VPS13B: variants seen among roughly 807,000 people sequenced by gnomAD.
The protein encoded by VPS13B is vacuolar protein sorting 13 homolog B.
In VPS13B, 285 loss-of-function variants were observed where a neutral mutation model predicts 426.4. The ratio of observed to expected loss-of-function variants is 0.67; its 90% confidence interval spans 0.61 to 0.74. The LOEUF is 0.74. VPS13B is among the 30% of genes least tolerant of loss of function. The pLI is 0.00. For missense variants in VPS13B, 4,537 were observed against 4,782.6 expected, an observed-to-expected ratio of 0.95 and a Z score of 1.51; for synonymous variants, 1,676 against 1,676.4, an observed-to-expected ratio of 1.00 and a Z score of 0.01.
rs34944940 is a variant in VPS13B at position 99,030,461 on chromosome 8, A to AGTGTGT, written c.148-7937_148-7932dup. 9.0e-3 allele frequency among the ~76,000 whole-genome samples: 1,300 copies of AGTGTGT among 144,860 alleles called. 13 individuals carry two copies. The highest frequency in any genetic ancestry group is 9.8e-3 in the East Asian group (48 of 4,918). ...TAAATTGTCCCAGTATGAGTGAGTG[A>AGTGTGT]GTGTGTGTGTGTGTGTGTGTGTGTG... On this transcript the variant is annotated intron_variant, in intron 2 of 61. Coordinates refer to ENST00000357162, the MANE Select transcript of VPS13B (RefSeq NM_152564.5).
At chr8:99,231,165 A>G (rs1424102748) in intron 17 of VPS13B, among the ~76,000 whole-genome samples, 2 of 152,240 alleles carry the variant, frequency 1.3e-5, no homozygotes, top group Admixed American at 6.5e-5. Flanking sequence ...ATAATTGTCA[A>G]TAATTGTAGA....
At chr8:99,020,120 C>T (rs775523600) in intron 2 of VPS13B, among the ~76,000 whole-genome samples, 5 of 150,630 alleles carry the variant, frequency 3.3e-5, no homozygotes, top group African/African-American at 9.8e-5. Context: ...CGAAGTGCTC[C>T]GTATCGTCAC....
chr8:99,339,132 A>AT (rs1181082326), intron 19 of VPS13B, among the ~76,000 whole-genome samples: 5 of 152,086 alleles, frequency 3.3e-5, no homozygotes, highest in Non-Finnish European at 7.4e-5. Context: ...TAAGTTTCAT[A>AT]TTGTTTTGCA....
At chr8:99,779,424 A>T (rs896766670) in intron 42 of VPS13B, among the ~76,000 whole-genome samples, 2 of 152,192 alleles carry the variant, frequency 1.3e-5, no homozygotes, top group Non-Finnish European at 2.9e-5. Flanking sequence ...ACCCTTTCTA[A>T]TGATAAGCAT....
intron 15 of VPS13B, among the ~76,000 whole-genome samples, chr8:99,161,672 A>T (rs1311514085): frequency 1.3e-5 from 2 of 151,542 alleles, no homozygotes; most frequent in African/African-American, 2.4e-5. Context: ...TGTTAGGCAG[A>T]GTGGGAATAG....
chr8:99,569,065 G>T (rs549748154), intron 31 of VPS13B, among the ~76,000 whole-genome samples: 1 of 150,752 alleles, frequency 6.6e-6, no homozygotes, highest in South Asian at 2.1e-4. Flanking sequence ...CTCGTGATCC[G>T]CCTGCCTCGG....
rs11991505 is a variant in VPS13B, at chr8:99,599,474, A to G, written c.5220+21841A>G. On this transcript the variant is annotated intron_variant, in intron 33 of 61. Transcript: ENST00000357162. ...GAAAATCGGTTCTAACTAATTTATG[A>G]TCTTTTCCAAGTAAAAATGTGACAA... 3.5e-3 allele frequency among the ~76,000 whole-genome samples: 537 copies of G among 152,238 alleles called. 5 individuals carry two copies. The highest frequency in any genetic ancestry group is 0.012 in the African/African-American group (514 of 41,560).
intron 19 of VPS13B, among the ~76,000 whole-genome samples, chr8:99,321,007 A>C (rs1445567182): frequency 6.6e-6 from 1 of 152,126 alleles, no homozygotes; most frequent in Non-Finnish European, 1.5e-5. Flanking sequence ...ATTTACCAAC[A>C]ATTGTCTTTT....
intron 19 of VPS13B, among the ~76,000 whole-genome samples, chr8:99,331,998 C>A (rs774128633): frequency 2.0e-5 from 3 of 151,726 alleles, no homozygotes; most frequent in Non-Finnish European, 3.0e-5. Flanking sequence ...ATCTCAAAAT[C>A]ATTTTTTCAG....
chr8:99,543,937 A>G (rs1490863835), intron 30 of VPS13B, among the ~76,000 whole-genome samples: 5 of 142,778 alleles, frequency 3.5e-5, no homozygotes, highest in South Asian at 5.0e-4. Context: ...TAGAAATACC[A>G]TTTGACCCAG....
intron 24 of VPS13B, among the ~76,000 whole-genome samples, chr8:99,478,447 G>T (rs199833273): frequency 1.9e-3 from 162 of 85,656 alleles, no homozygotes; most frequent in Middle Eastern, 9.6e-3. Flanking sequence ...TTTTTGTTTT[G>T]TTTTTTTTTT....
intron 3 of VPS13B, among the ~76,000 whole-genome samples, chr8:99,084,623 G>A (rs1845670915): frequency 6.6e-6 from 1 of 152,148 alleles, no homozygotes; most frequent in Non-Finnish European, 1.5e-5. Flanking sequence ...ACACTGCTTT[G>A]AATGTGTCCC....
At chr8:99,090,986 A>T (rs960124456) in intron 3 of VPS13B, among the ~76,000 whole-genome samples, 4 of 152,154 alleles carry the variant, frequency 2.6e-5, no homozygotes, top group Admixed American at 2.6e-4. Flanking sequence ...ACACCCACAT[A>T]CCCACCAATA....
intron 5 of VPS13B, 123 bp downstream of exon 5, chr8:99,103,243 T>TG (rs773539891): frequency 8.6e-7 from 1 of 1,157,016 alleles, no homozygotes; most frequent in Non-Finnish European, 1.3e-6. Context: ...GCCTCCAGTG[T>TG]GGGAAAAAAA....
intron 28 of VPS13B, among the ~76,000 whole-genome samples, chr8:99,509,477 A>G (rs1280449441): frequency 6.6e-6 from 1 of 152,148 alleles, no homozygotes; most frequent in African/African-American, 2.4e-5. Flanking sequence ...TATAAAGTCT[A>G]AATTAAAAGC....
intron 3 of VPS13B, among the ~76,000 whole-genome samples, chr8:99,084,050 A>G (rs1028792561): frequency 1.4e-4 from 21 of 152,110 alleles, no homozygotes; most frequent in African/African-American, 4.1e-4. Context: ...TCCTCCTTGT[A>G]CCTCTGGTAG....
At chr8:99,838,207 C>CAG (rs1156954441) in intron 54 of VPS13B, among the ~76,000 whole-genome samples, 1 of 152,192 alleles carries the variant, frequency 6.6e-6, no homozygotes, top group Non-Finnish European at 1.5e-5. Flanking sequence ...GTTATTCAAC[C>CAG]AGAGACCTGA....
rs556145677 is a variant in VPS13B, at chr8:99,537,021, T to C, written c.4745+16011T>C. Among the ~76,000 whole-genome samples the C allele has an allele frequency of 2.6e-5, 4 of 152,364 alleles. No homozygotes were observed. In the South Asian group the frequency reaches 8.3e-4, roughly 32 times the overall value. On this transcript the variant is annotated intron_variant, in intron 30 of 61. Transcript: ENST00000357162. ...TCTGGTAAACCATGTCAAATTATGCTGTAAATATATTTATACTGTAGAATA... is the reference window on the plus strand; with the variant it reads ...TCTGGTAAACCATGTCAAATTATGCCGTAAATATATTTATACTGTAGAATA...
chr8:99,386,439 G>A (rs1471613268), intron 20 of VPS13B, among the ~76,000 whole-genome samples: 1 of 152,110 alleles, frequency 6.6e-6, no homozygotes, highest in Non-Finnish European at 1.5e-5. Context: ...AGACATCTGG[G>A]CTATAATCCA....
Sources: allele counts gnomAD v4.1 joint callset (sites outside exome capture counted in the v4.1 genomes callset), GRCh38; gene constraint gnomAD v4.1.1; transcripts MANE v1.5; gene names NCBI Gene and HGNC (gene_info 2026-07-23, HGNC 2026-07-21).